Variants in MYOF observed in about 807,000 individuals in gnomAD.
MYOF encodes the protein fer-1-like 3, myoferlin.
Under a neutral mutation model 284.2 loss-of-function variants are expected in MYOF, and 244 were observed. The observed-to-expected ratio is 0.86, with a 90% CI of 0.77 to 0.95. The LOEUF (loss-of-function observed/expected upper bound fraction) is 0.95. MYOF is among the 40% of genes least tolerant of loss of function. The pLI is 0.00. For missense variants in MYOF, 2,496 were observed against 2,560.6 expected (o/e 0.97, Z 0.54); for synonymous variants, 904 against 919.7 (o/e 0.98, Z 0.31).
chr10:93,399,053 C>A (rs1847155237), intron 13 of MYOF, among the ~76,000 whole-genome samples: 1 of 151,846 alleles, frequency 6.6e-6, no homozygotes, highest in South Asian at 2.1e-4. Context: ...TGTCCTACAA[C>A]ATTTACCAGG....
At chr10:93,428,663 T>C (rs1361022812) in intron 4 of MYOF, among the ~76,000 whole-genome samples, 1 of 151,840 alleles carries the variant, frequency 6.6e-6, no homozygotes, top group Non-Finnish European at 1.5e-5. Context: ...CTCCCTCATA[T>C]ACTGGCACAT....
chr10:93,337,355 C>T (rs1207964028), intron 40 of MYOF, among the ~76,000 whole-genome samples: 2 of 152,106 alleles, frequency 1.3e-5, no homozygotes, highest in Non-Finnish European at 2.9e-5. Flanking sequence ...TGTCTTCCTG[C>T]TGTATACATG....
intron 38 of MYOF, among the ~76,000 whole-genome samples, chr10:93,340,491 A>G (rs732864): frequency 0.3 from 45,565 of 152,036 alleles, 8,769 homozygotes; most frequent in East Asian, 0.89. Flanking sequence ...AGTCGGGAGC[A>G]CACAGCTCAC....
chr10:93,412,041 C>T (rs1419468648), intron 5 of MYOF, among the ~76,000 whole-genome samples: 1 of 152,144 alleles, frequency 6.6e-6, no homozygotes, highest in Non-Finnish European at 1.5e-5. Flanking sequence ...TAGCCATGGA[C>T]CCACAGAATG....
chr10:93,325,984 T>C lies in MYOF; in HGVS notation c.5132-19A>G, dbSNP rs755122088. 6.2e-6 allele frequency: 10 copies of C among 1,613,852 alleles called. No homozygotes were observed. Among genetic ancestry groups the C allele is most frequent in the South Asian group, 2.2e-5 (2 of 91,052 alleles). ...TTGGCTTCTGCAATGGAAAGCAGCA[T>C]TGAAGCAGGAATGAGTATTTGGGAA... is the stretch of plus-strand genomic sequence containing the variant. On this transcript the variant is annotated intron_variant, in intron 45 of 53. Coordinates refer to ENST00000359263, the MANE Select transcript of MYOF (RefSeq NM_013451.4).
chr10:93,462,028 G>A (rs1032592358), intron 1 of MYOF, among the ~76,000 whole-genome samples: 1 of 152,038 alleles, frequency 6.6e-6, no homozygotes, highest in Non-Finnish European at 1.5e-5. Flanking sequence ...CATTGTGTGA[G>A]GTTGATGCTA....
Position 93,343,845 on chromosome 10 carries a change from C to T in MYOF, c.4326+11G>A, listed in dbSNP as rs778035142. ...AACTGACAGCATCCACTGATCAGCT[C>T]TGAAGCCTACCTTAGAAGCCAGTAA... On this transcript the variant is annotated intron_variant, in intron 38 of 53. Transcript: ENST00000359263. 1.2e-6 allele frequency: 2 copies of T among 1,613,958 alleles called. No homozygotes were observed. The highest frequency in any genetic ancestry group is 2.7e-5 in the African/African-American group (2 of 74,936).
chr10:93,481,950 C>T (rs2057387780), intron 1 of MYOF, among the ~76,000 whole-genome samples, 157 bp downstream of exon 1: 1 of 152,172 alleles, frequency 6.6e-6, no homozygotes. Context: ...ATGCCTTCCC[C>T]AGAAACGGGT....
At chr10:93,470,804 C>T (rs767258644) in intron 1 of MYOF, among the ~76,000 whole-genome samples, 1 of 152,182 alleles carries the variant, frequency 6.6e-6, no homozygotes, top group Non-Finnish European at 1.5e-5. Flanking sequence ...ATACACAGAG[C>T]TAAGCACACT....
chr10:93,318,896 AG>A (rs776277099), intron 49 of MYOF, among the ~76,000 whole-genome samples: 3 of 152,188 alleles, frequency 2.0e-5, no homozygotes, highest in Non-Finnish European at 2.9e-5. Flanking sequence ...CAGAATGTGG[AG>A]GCAGGAATGG....
At chr10:93,464,155 C>T (rs2056950620) in intron 1 of MYOF, among the ~76,000 whole-genome samples, 2 of 152,174 alleles carry the variant, frequency 1.3e-5, no homozygotes, top group Non-Finnish European at 2.9e-5. Flanking sequence ...AAACTGGTTT[C>T]CTGGAGAAGA....
intron 5 of MYOF, among the ~76,000 whole-genome samples, chr10:93,410,700 G>A (rs1847865951): frequency 6.6e-6 from 1 of 152,132 alleles, no homozygotes; most frequent in African/African-American, 2.4e-5. Context: ...TAGAACTTCT[G>A]GTAATCTGTA....
intron 21 of MYOF, among the ~76,000 whole-genome samples, chr10:93,379,258 A>G (rs1282116716): frequency 6.6e-6 from 1 of 152,182 alleles, no homozygotes; most frequent in African/African-American, 2.4e-5. Context: ...TTTCCACTGC[A>G]AAGTTCTCAG....
intron 22 of MYOF, 68 bp from the exon 23 acceptor site, chr10:93,375,023 T>C: frequency 1.4e-6 from 2 of 1,414,650 alleles, no homozygotes; most frequent in African/African-American, 1.4e-5. Flanking sequence ...TTCAGAACTG[T>C]CAAATACATT....
Position 93,378,693 on chromosome 10 carries a change from G to GTGTGTGTGTATATATATATATATA in MYOF, c.2001+1169_2001+1170insTATATATATATATATACACACACA. 4.1e-4 allele frequency among the ~76,000 whole-genome samples: 36 copies of GTGTGTGTGTATATATATATATATA among 87,882 alleles called. No homozygotes were observed. In the East Asian group the frequency reaches 4.9e-3, roughly 12 times the overall value. The allele number at this position is 87,882 out of a possible 152,430, so 57.7% of individuals were successfully genotyped here. Reference sequence around the variant, plus strand: ...TATGTGTGTGTGTATGTGTGTGTGTGTATATATATATATATATATATATGT... The same window carrying GTGTGTGTGTATATATATATATATA: ...TATGTGTGTGTGTATGTGTGTGTGTGTGTGTGTGTATATATATATATATATATATATATATATATATATATATGT... On this transcript the variant is annotated intron_variant, in intron 21 of 53. Transcript: ENST00000359263.
chr10:93,325,293 C>T (rs144577536), intron 46 of MYOF, among the ~76,000 whole-genome samples: 1 of 152,156 alleles, frequency 6.6e-6, no homozygotes, highest in Non-Finnish European at 1.5e-5. Context: ...GTGGAATGTC[C>T]CCCATTGCTA....
chr10:93,392,934 C>T lies in MYOF; in HGVS notation c.1439G>A (p.Gly480Glu). Reference protein sequence around the residue: ...EVEDFSSSGTGAASYTVNTGE... With the variant: ...EVEDFSSSGTEAASYTVNTGE... Reference sequence around the variant, plus strand: ...GCATAAACCTGTATATGATGCAGCCCCAGTTCCCGAAGATGAGAAATCTAT... The same window carrying T: ...GCATAAACCTGTATATGATGCAGCCTCAGTTCCCGAAGATGAGAAATCTAT... The change falls in exon 17 of 54, where the codon GGG becomes GAG. Residue 480 changes from glycine to glutamate, a missense_variant. Physicochemically the swap from Gly to Glu is moderately conservative, Grantham distance 98. Around this residue, in one of 3 missense-constraint regions of MYOF, gnomAD observed 2,436 missense variants for 2,480.7 expected, o/e 0.98. Coordinates refer to ENST00000359263, the MANE Select transcript of MYOF (RefSeq NM_013451.4). The T allele has an allele frequency of 6.2e-7, 1 of 1,612,260 alleles. No individual in the cohort carries two copies. The highest frequency in any genetic ancestry group is 8.5e-7 in the Non-Finnish European group (1 of 1,178,556).
At chr10:93,325,491 C>T (rs1843005902) in intron 46 of MYOF, among the ~76,000 whole-genome samples, 1 of 152,148 alleles carries the variant, frequency 6.6e-6, no homozygotes, top group Non-Finnish European at 1.5e-5. Context: ...CATTACAACA[C>T]ACAAGCACTC....
In MYOF at chr10:93,333,795, C is replaced by G. The variant is rs753946172; in HGVS notation, c.4682G>C (p.Arg1561Pro). ...QECTVRIYIV[R>P]GLELQPQDNN... ...GTCCTGGGGCTGGAGCTCTAAGCCTCGAACAATGTAAATCCTAACCGTGCA... is the reference window on the plus strand; with the variant it reads ...GTCCTGGGGCTGGAGCTCTAAGCCTGGAACAATGTAAATCCTAACCGTGCA... The change falls in exon 42 of 54, where the codon CGA (arginine) becomes CCA (proline). Residue 1561 changes from arginine to proline, a missense_variant. Arg to Pro is a moderately radical substitution (Grantham distance 103, BLOSUM62 -2). Coordinates refer to ENST00000359263, the MANE Select transcript of MYOF (RefSeq NM_013451.4). 4.3e-6 allele frequency: 7 copies of G among 1,614,052 alleles called. No individual in the cohort carries two copies. Among genetic ancestry groups the G allele is most frequent in the African/African-American group, 2.7e-5 (2 of 74,924 alleles).
Sources: gnomAD v4.1 joint callset for allele counts (sites outside exome capture counted in the v4.1 genomes callset) on GRCh38, gnomAD v4.1.1 for gene constraint, gnomAD v4.1.1 regional missense constraint, MANE v1.5 for transcripts, NCBI Gene and HGNC (gene_info 2026-07-23, HGNC 2026-07-21) for gene names.